The following SPACA3 variants were observed in gnomAD, a reference collection of about 807,000 sequenced individuals.
The protein encoded by SPACA3 is sperm acrosome associated 3, also known as sperm acrosome membrane-associated protein 3.
SPACA3 carries 21 observed loss-of-function variants against 24.5 expected under a neutral mutation model. The ratio of observed to expected loss-of-function variants is 0.86; its 90% confidence interval spans 0.61 to 1.24. The LOEUF (loss-of-function observed/expected upper bound fraction) is 1.24. Ranked by LOEUF, SPACA3 falls within the 50% of genes most tolerant of loss-of-function variation. The pLI, the probability that SPACA3 is intolerant of heterozygous loss-of-function variation, is 0.00. For synonymous variants in SPACA3, 115 were observed against 106.9 expected (o/e 1.08, Z -0.47); for missense variants, 278 against 275.5 (o/e 1.01, Z -0.06).
At chr17:32,994,419 TG>T (rs1368853843) in intron 1 of SPACA3, among the ~76,000 whole-genome samples, 1 of 152,116 alleles carries the variant, frequency 6.6e-6, no homozygotes, top group Non-Finnish European at 1.5e-5. Flanking sequence ...ACCCGAACCT[TG>T]CTGCAAAGCC....
intron 2 of SPACA3, among the ~76,000 whole-genome samples, chr17:32,996,355 G>T (rs2091721870): frequency 6.6e-6 from 1 of 152,112 alleles, no homozygotes; most frequent in African/African-American, 2.4e-5. Context: ...TGGGCATGGT[G>T]GCAGCTACCT....
In SPACA3 at chr17:32,996,762, C is replaced by T. The variant is rs574489544; in HGVS notation, c.344-81C>T. On this transcript the variant is annotated intron_variant, in intron 2 of 4. Coordinates refer to ENST00000269053, the MANE Select transcript of SPACA3 (RefSeq NM_173847.5). ...GGCAGGAGAGGCTCGGTGGAGCCAGCGTGGGACCTGTGCAGTGAGCACCCT... is the reference window on the plus strand; with the variant it reads ...GGCAGGAGAGGCTCGGTGGAGCCAGTGTGGGACCTGTGCAGTGAGCACCCT... The T allele has an allele frequency of 5.4e-5, 73 of 1,363,450 alleles. No individual in the cohort carries two copies. In the East Asian group the frequency reaches 5.8e-4, roughly 11 times the overall value. 84.5% of individuals were successfully genotyped at this position (1,363,450 alleles called of 1,614,324 possible). A position where few individuals can be genotyped will look rare whatever the true frequency, so the allele number is the denominator to read the frequency against.
At chr17:32,994,463 A>G (rs1277284812) in intron 1 of SPACA3, among the ~76,000 whole-genome samples, 1 of 152,206 alleles carries the variant, frequency 6.6e-6, no homozygotes, top group African/African-American at 2.4e-5. Context: ...CCTCGGGGGC[A>G]TTCAAGGTCC....
At chr17:32,996,291 C>G (rs1403189727) in intron 2 of SPACA3, among the ~76,000 whole-genome samples, 1 of 152,076 alleles carries the variant, frequency 6.6e-6, no homozygotes, top group Non-Finnish European at 1.5e-5. Flanking sequence ...GAGTTCGAGA[C>G]CAGCCAGGCC....
At chr17:32,993,626 T>C (rs1231206865) in intron 1 of SPACA3, among the ~76,000 whole-genome samples, 1 of 151,822 alleles carries the variant, frequency 6.6e-6, no homozygotes, top group African/African-American at 2.4e-5. Context: ...GCAGAGCAGT[T>C]TCAGCGCGCG....
chr17:32,996,817 C>T, intron 2 of SPACA3, 26 bp from the exon 3 acceptor site: 4 of 1,490,928 alleles, frequency 2.7e-6, no homozygotes, highest in Non-Finnish European at 3.6e-6. Context: ...CATCTGACCC[C>T]CAGGCCTATG....
chr17:32,995,469 G>GT lies in SPACA3; in HGVS notation c.95_96insT (p.Leu33ProfsTer54), dbSNP rs2091716002. On this transcript the variant is annotated frameshift_variant, in exon 2 of 5. Transcript: ENST00000269053. LOFTEE classifies it high-confidence loss of function. ...AGTGGACCACGGAGGCTGGTGAGCT[G>GT]CCTGTCATCCCAAAGCTCAGCTCTG... 5 of 1,613,512 alleles carry GT rather than the reference G, an allele frequency of 3.1e-6. No individual in the cohort carries two copies. In the African/African-American group the frequency reaches 6.7e-5, roughly 22 times the overall value.
At chr17:32,994,412 C>T (rs1346808108) in intron 1 of SPACA3, among the ~76,000 whole-genome samples, 5 of 152,176 alleles carry the variant, frequency 3.3e-5, no homozygotes, top group Non-Finnish European at 4.4e-5. Flanking sequence ...GCTTCCAACC[C>T]GAACCTTGCT....
rs368023924 is a variant in SPACA3, at chr17:32,995,649, G to A, written c.275G>A (p.Arg92His). Residue 92 changes from arginine to histidine, a missense_variant, in exon 2 of 5, where the codon CGT becomes CAT. By Grantham distance (29) the Arg-to-His change is conservative (BLOSUM62 0). Coordinates refer to ENST00000269053, the MANE Select transcript of SPACA3 (RefSeq NM_173847.5). ...LPSSEAKLYG[R>H]CELARVLHDF... ...TCCAGTGAGGCCAAGCTCTACGGTC[G>A]TTGTGAACTGGCCAGAGTGCTACAT... 13 of 1,614,084 alleles carry A rather than the reference G, an allele frequency of 8.1e-6. No homozygotes were observed. The highest frequency in any genetic ancestry group is 3.3e-5 in the South Asian group (3 of 91,088).
intron 3 of SPACA3, among the ~76,000 whole-genome samples, chr17:32,997,221 A>G (rs1377691445): frequency 1.3e-5 from 2 of 151,786 alleles, no homozygotes; most frequent in Non-Finnish European, 2.9e-5. Flanking sequence ...ATAGGAATGG[A>G]GGGAGGATTG....
intron 2 of SPACA3, 93 bp downstream of exon 2, chr17:32,995,810 C>T (rs539810077): frequency 1.1e-4 from 152 of 1,416,558 alleles, no homozygotes; most frequent in Middle Eastern, 4.5e-4. Flanking sequence ...GCTGTGGCTT[C>T]GGGAGCTTTT....
At position 32,996,943 on chromosome 17, in the gene SPACA3, G is replaced by C. The variant is rs1432721833; in HGVS notation, c.444G>C (p.Arg148=). 2 of 1,606,552 alleles carry C rather than the reference G, an allele frequency of 1.2e-6. No homozygotes were observed. The highest frequency in any genetic ancestry group is 1.7e-6 in the Non-Finnish European group (2 of 1,176,314). Residue 148 remains arginine (R), a synonymous_variant, in exon 3 of 5, where the codon CGG becomes CGC. Coordinates refer to ENST00000269053, the MANE Select transcript of SPACA3 (RefSeq NM_173847.5). ...ACGGGATCTTCCAGATCAACAGCCG[G>C]AGGTGGTGCAGCAACCTCACCCCGA... ...TNNGIFQINS[R]RWCSNLTPNV...
intron 3 of SPACA3, 38 bp from the exon 4 acceptor site, chr17:32,997,404 TCTC>T (rs1281772403): frequency 6.5e-7 from 1 of 1,544,380 alleles, no homozygotes; most frequent in Non-Finnish European, 8.9e-7. Context: ...CACCTGGATG[TCTC>T]CTGTTCTCTC....
Position 32,997,535 on chromosome 17 carries a change from G to A in SPACA3, c.581+12G>A, listed in dbSNP as rs200580114. On this transcript the variant is annotated intron_variant, in intron 4 of 4. Transcript: ENST00000269053. ...GGTCTGGGTTACTGGTAAGTAACTT[G>A]GGCTGGAGCCCCGCAGCGGTGGTAT... The A allele has an allele frequency of 1.5e-4, 245 of 1,611,632 alleles. No individual in the cohort carries two copies. The highest frequency in any genetic ancestry group is 1.3e-4 in the Non-Finnish European group (153 of 1,177,928).
At chr17:32,992,578 T>G (rs1008038100) in intron 1 of SPACA3, among the ~76,000 whole-genome samples, 1 of 152,150 alleles carries the variant, frequency 6.6e-6, no homozygotes, top group African/African-American at 2.4e-5. Flanking sequence ...AAGACTGACA[T>G]CTATTCCAGC....
rs111705006 is a variant in SPACA3 at position 32,992,401 on chromosome 17, C to T, written c.34+429C>T. 9.7e-3 allele frequency among the ~76,000 whole-genome samples: 1,483 copies of T among 152,238 alleles called. 17 individuals carry two copies. The highest frequency in any genetic ancestry group is 0.034 in the Middle Eastern group (10 of 294). ...GCTGCCTCCTCCTTCTCACTCCCCT[C>T]GCGGTGAGAAGAAGGTCTCATGTCC... On this transcript the variant is annotated intron_variant, in intron 1 of 4. Coordinates refer to ENST00000269053, the MANE Select transcript of SPACA3 (RefSeq NM_173847.5).
In SPACA3 at chr17:32,992,038, C is replaced by T. The variant is rs538575268; in HGVS notation, c.34+66C>T. ...GCGCTGGGTTGGTCTGGCCAGAGAC[C>T]AGGTGGAGAAAAACAAGGTGGTGGT... On this transcript the variant is annotated intron_variant, in intron 1 of 4. Coordinates refer to ENST00000269053, the MANE Select transcript of SPACA3 (RefSeq NM_173847.5). 13 of 1,576,884 alleles carry T rather than the reference C, an allele frequency of 8.2e-6. No individual in the cohort carries two copies. In the Admixed American group the frequency reaches 1.8e-4, roughly 21 times the overall value.
At chr17:32,995,818 T>G in intron 2 of SPACA3, 101 bp downstream of exon 2, 1 of 1,311,432 alleles carries the variant, frequency 7.6e-7, no homozygotes. Context: ...TTCGGGAGCT[T>G]TTAGAGCCCT....
At chr17:32,995,353 C>A (rs149717333) in intron 1 of SPACA3, 56 bp from the exon 2 acceptor site, 3 of 1,501,888 alleles carry the variant, frequency 2.0e-6, no homozygotes, top group African/African-American at 1.4e-5. Context: ...GGGGCTGATA[C>A]GTGCTGCTGG....
Sources: allele counts gnomAD v4.1 joint callset (sites outside exome capture counted in the v4.1 genomes callset), GRCh38; gene constraint gnomAD v4.1.1; transcripts MANE v1.5; gene names NCBI Gene and HGNC (gene_info 2026-07-23, HGNC 2026-07-21).